The following SLC1A2 variants were observed in gnomAD, a reference collection of about 807,000 sequenced individuals.
SLC1A2 encodes excitatory amino acid transporter 2.
SLC1A2 carries 15 observed loss-of-function variants against 48.8 expected under a neutral mutation model. The observed-to-expected ratio is 0.31, with a 90% CI of 0.21 to 0.47. The LOEUF is 0.47. SLC1A2 is among the 20% of genes least tolerant of loss of function. The pLI is 0.99. For missense variants in SLC1A2, 502 were observed against 730.5 expected (o/e 0.69, Z 3.61); for synonymous variants, 279 against 272.6 (o/e 1.02, Z -0.23).
intron 9 of SLC1A2, among the ~76,000 whole-genome samples, chr11:35,278,708 G>A (rs1850527489): frequency 6.6e-6 from 1 of 152,078 alleles, no homozygotes; most frequent in South Asian, 2.1e-4. Flanking sequence ...AGCAGAAACA[G>A]ACTCAAGTCC....
chr11:35,390,833 T>C (rs1370996583), intron 1 of SLC1A2: 3 of 152,082 alleles, frequency 2.0e-5, no homozygotes, highest in Non-Finnish European at 2.9e-5. Context: ...ACCCAGCTAA[T>C]TTTTGTATTT....
At chr11:35,419,933 C>G (rs1413798617), upstream of SLC1A2, 1 of 469,774 alleles carries the variant, frequency 2.1e-6, no homozygotes, top group Admixed American at 2.4e-5. The surrounding 1 kb of genome is among the most constrained non-coding windows in gnomAD (Gnocchi z 5.4). Context: ...CAGGCACACC[C>G]ACCCCATCCT....
Position 35,252,264 on chromosome 11 carries a change from T to G in SLC1A2, c.*8630A>C, listed in dbSNP as rs1490029744. 1 of 152,550 alleles carries G rather than the reference T, an allele frequency of 6.6e-6. No homozygotes were observed. The highest frequency in any genetic ancestry group is 1.9e-4 in the East Asian group (1 of 5,194). 9.4% of individuals were successfully genotyped at this position (152,550 alleles called of 1,614,324 possible). A position where few individuals can be genotyped will look rare whatever the true frequency, so the allele number is the denominator to read the frequency against. ...AGGGAGACAAGGCTCCTCAGAACCT[T>G]TAAGTCATGAGCATCATGATGAGTA... On this transcript the variant is annotated 3_prime_UTR_variant, in exon 11 of 11. Transcript: ENST00000278379.
chr11:35,412,385 G>A (rs114975009), intron 1 of SLC1A2, among the ~76,000 whole-genome samples: 2,697 of 152,258 alleles, frequency 0.018, 70 homozygotes, highest in African/African-American at 0.063. Context: ...TCTATACTTG[G>A]TGGAGAAAGC....
chr11:35,334,403 C>G (rs1852542459), intron 1 of SLC1A2, among the ~76,000 whole-genome samples: 1 of 152,102 alleles, frequency 6.6e-6, no homozygotes, highest in African/African-American at 2.4e-5. Context: ...AATTTATTCA[C>G]CAGGCTACAA....
chr11:35,365,012 CTG>C (rs1451922141), intron 1 of SLC1A2, among the ~76,000 whole-genome samples: 1 of 152,214 alleles, frequency 6.6e-6, no homozygotes, highest in Admixed American at 6.5e-5. Flanking sequence ...TAGAGTAAGA[CTG>C]TGAAACTAGC....
chr11:35,382,810 GTCCT>G (rs1211040515), intron 1 of SLC1A2, among the ~76,000 whole-genome samples: 1 of 150,674 alleles, frequency 6.6e-6, no homozygotes, highest in Non-Finnish European at 1.5e-5. Flanking sequence ...AAAAAAAAAA[GTCCT>G]CCTAAAGGGT....
rs72938893 is a variant in SLC1A2 at position 35,351,316 on chromosome 11, T to C, written c.18-33800A>G. ...TCTCCCCAGTGAACTTCCCACTCCT[T>C]CTCTGCCTCCCAAAATGACCAGAAC... On this transcript the variant is annotated intron_variant, in intron 1 of 10. Coordinates refer to ENST00000278379, the MANE Select transcript of SLC1A2 (RefSeq NM_004171.4). Among the ~76,000 whole-genome samples, 736 of 152,316 alleles carry C rather than the reference T, an allele frequency of 4.8e-3. 8 individuals are homozygous for C. Among genetic ancestry groups the C allele is most frequent in the Non-Finnish European group, 5.0e-3 (341 of 68,026 alleles).
At chr11:35,271,833 A>G (rs1850288833) in intron 9 of SLC1A2, among the ~76,000 whole-genome samples, 1 of 152,152 alleles carries the variant, frequency 6.6e-6, no homozygotes, top group African/African-American at 2.4e-5. Context: ...ACAGAGCGAG[A>G]CTCCATCTTA....
intron 8 of SLC1A2, among the ~76,000 whole-genome samples, chr11:35,281,457 C>T (rs1207776301): frequency 6.6e-6 from 1 of 152,128 alleles, no homozygotes; most frequent in Non-Finnish European, 1.5e-5. Context: ...AAGGCCATTG[C>T]CAAGGTTAAC....
At chr11:35,308,502 C>G (rs1159949345) in intron 4 of SLC1A2, among the ~76,000 whole-genome samples, 5 of 152,124 alleles carry the variant, frequency 3.3e-5, no homozygotes, top group Admixed American at 3.3e-4. Flanking sequence ...TATTTTTTCA[C>G]CATTCTGGAG....
chr11:35,331,700 C>T (rs571753156), intron 1 of SLC1A2, among the ~76,000 whole-genome samples: 12 of 152,254 alleles, frequency 7.9e-5, no homozygotes, highest in South Asian at 4.1e-4. Context: ...AGATGCAGTT[C>T]GTGGTGTTTG....
At chr11:35,383,336 AT>A (rs1036492795) in intron 1 of SLC1A2, among the ~76,000 whole-genome samples, 4 of 152,150 alleles carry the variant, frequency 2.6e-5, no homozygotes, top group African/African-American at 9.7e-5. Context: ...GGTTGAAAGT[AT>A]TTTTTGTTGT....
chr11:35,265,159 G>T, intron 10 of SLC1A2: 1 of 266,948 alleles, frequency 3.7e-6, no homozygotes, highest in Non-Finnish European at 7.0e-6. Context: ...TAGCCAGGAT[G>T]GTCTTGATCT....
intron 1 of SLC1A2, among the ~76,000 whole-genome samples, chr11:35,341,473 GTATAA>G (rs1852839990): frequency 6.6e-6 from 1 of 152,200 alleles, no homozygotes; most frequent in African/African-American, 2.4e-5. Context: ...GCTTCCTAAA[GTATAA>G]TTTAAAAATA....
At chr11:35,319,867 A>G (rs1032224038) in intron 1 of SLC1A2, among the ~76,000 whole-genome samples, 3 of 152,234 alleles carry the variant, frequency 2.0e-5, no homozygotes, top group Non-Finnish European at 4.4e-5. Context: ...CTCGTGAGTT[A>G]CCCTCTTGGA....
At chr11:35,329,717 C>T (rs113774585) in intron 1 of SLC1A2, among the ~76,000 whole-genome samples, 6 of 152,272 alleles carry the variant, frequency 3.9e-5, no homozygotes, top group African/African-American at 1.4e-4. Context: ...TGAACAGTTG[C>T]AGTGCAGGGC....
rs1472775381 is a variant in SLC1A2, at chr11:35,254,559, C to T, written c.*6335G>A. The T allele has an allele frequency of 3.4e-6, 1 of 294,550 alleles. No homozygotes were observed. Among genetic ancestry groups the T allele is most frequent in the Non-Finnish European group, 6.6e-6 (1 of 150,886 alleles). The allele number at this position is 294,550 out of a possible 1,614,324, so 18.2% of individuals were successfully genotyped here. A position where few individuals can be genotyped will look rare whatever the true frequency, so the allele number is the denominator to read the frequency against. ...AGGCAACAGGCTGTTTCCAGGCAGG[C>T]AAAATGGTTGCCATGAGAAGAAACA... On this transcript the variant is annotated 3_prime_UTR_variant, in exon 11 of 11. Transcript: ENST00000278379.
chr11:35,361,707 T>A (rs1057152983), intron 1 of SLC1A2, among the ~76,000 whole-genome samples: 103 of 152,312 alleles, frequency 6.8e-4, no homozygotes, highest in Admixed American at 1.6e-3. Context: ...CTGGGTACGG[T>A]GGCTCACACC....
Sources: allele counts gnomAD v4.1 joint callset (sites outside exome capture counted in the v4.1 genomes callset), GRCh38; gene constraint gnomAD v4.1.1; non-coding constraint Gnocchi (gnomAD v3.1); transcripts MANE v1.5; gene names NCBI Gene and HGNC (gene_info 2026-07-23, HGNC 2026-07-21).